The following COL24A1 variants were observed in gnomAD, a reference collection of about 807,000 sequenced individuals.
The protein encoded by COL24A1 is collagen type XXIV alpha 1 chain.
In COL24A1, 224 loss-of-function variants were observed where a neutral mutation model predicts 253.9. The observed-to-expected ratio is 0.88, with a 90% CI of 0.79 to 0.99. The LOEUF (loss-of-function observed/expected upper bound fraction) is 0.99. COL24A1 is among the 50% of genes least tolerant of loss of function. The pLI, the probability that COL24A1 is intolerant of heterozygous loss-of-function variation, is 0.00. For synonymous variants in COL24A1, 685 were observed against 673.7 expected (o/e 1.02, Z -0.26); for missense variants, 2,131 against 2,068.5 (o/e 1.03, Z -0.59).
chr1:86,005,994 A>C (rs559718834), intron 19 of COL24A1, among the ~76,000 whole-genome samples: 2 of 152,328 alleles, frequency 1.3e-5, no homozygotes, highest in East Asian at 3.9e-4. Flanking sequence ...GCACCAACTA[A>C]TACTTAGTTA....
At chr1:85,862,296 T>C (rs956784931) in intron 37 of COL24A1, among the ~76,000 whole-genome samples, 3 of 152,128 alleles carry the variant, frequency 2.0e-5, no homozygotes, top group African/African-American at 7.2e-5. Context: ...ACTCAAAAAC[T>C]TCATCGAATT....
intron 24 of COL24A1, among the ~76,000 whole-genome samples, chr1:85,917,204 G>T (rs1440636647): frequency 1.3e-5 from 2 of 152,186 alleles, no homozygotes; most frequent in Non-Finnish European, 2.9e-5. Flanking sequence ...ACATCATTAT[G>T]TGTTTTGTGC....
At chr1:85,907,829 T>C (rs1403815921) in intron 27 of COL24A1, among the ~76,000 whole-genome samples, 2 of 151,764 alleles carry the variant, frequency 1.3e-5, no homozygotes, top group Non-Finnish European at 3.0e-5. Context: ...GAAAACAAAA[T>C]TTATTTATCT....
intron 3 of COL24A1, among the ~76,000 whole-genome samples, chr1:86,120,872 G>A (rs1428079576): frequency 1.3e-5 from 2 of 152,146 alleles, no homozygotes; most frequent in Non-Finnish European, 2.9e-5. Context: ...ATTCACAATA[G>A]CAAAGACTTG....
At chr1:85,873,191 G>A (rs1181074130) in intron 35 of COL24A1, among the ~76,000 whole-genome samples, 2 of 152,198 alleles carry the variant, frequency 1.3e-5, no homozygotes, top group Admixed American at 1.3e-4. Context: ...AACAACAAAT[G>A]CTGGAGAGGA....
intron 47 of COL24A1, among the ~76,000 whole-genome samples, chr1:85,813,432 AAAAG>A (rs1672742253): frequency 6.7e-6 from 1 of 149,946 alleles, no homozygotes; most frequent in African/African-American, 2.5e-5. Flanking sequence ...AGAAAAAAAA[AAAAG>A]AAGCCAAAGC....
rs770913194 is a variant in COL24A1 at position 85,889,615 on chromosome 1, T to C, written c.2923-2A>G. ...ACTTCCAGGCAATCCCTGTAAACCC[T>C]GGACAAATAAAGGCAATACTTGTAG... is the stretch of plus-strand genomic sequence containing the variant. On this transcript the variant is annotated splice_acceptor_variant, in intron 31 of 59. Coordinates refer to ENST00000370571, the MANE Select transcript of COL24A1 (RefSeq NM_152890.7). LOFTEE classifies it high-confidence loss of function. 9 of 1,612,802 alleles carry C rather than the reference T, an allele frequency of 5.6e-6. No homozygotes were observed. The African/African-American group carries it at 1.1e-4, about 19-fold the overall frequency.
At chr1:85,917,955 G>A (rs565269598) in intron 24 of COL24A1, among the ~76,000 whole-genome samples, 3 of 152,190 alleles carry the variant, frequency 2.0e-5, no homozygotes, top group Admixed American at 6.5e-5. Context: ...TGATCTGCCC[G>A]CCTTGGCCTT....
chr1:85,847,036 C>T (rs1677210394), intron 39 of COL24A1, among the ~76,000 whole-genome samples: 2 of 152,124 alleles, frequency 1.3e-5, no homozygotes, highest in African/African-American at 4.8e-5. Flanking sequence ...ACAGAAGACT[C>T]AATTAGATAA....
At chr1:85,992,756 C>T (rs943743941) in intron 19 of COL24A1, among the ~76,000 whole-genome samples, 2 of 151,970 alleles carry the variant, frequency 1.3e-5, no homozygotes, top group Non-Finnish European at 2.9e-5. Flanking sequence ...TTAATAAGTC[C>T]AAACATTTTC....
At chr1:85,731,347 T>C (rs1228190801) in intron 59 of COL24A1, among the ~76,000 whole-genome samples, 1 of 152,230 alleles carries the variant, frequency 6.6e-6, no homozygotes, top group Non-Finnish European at 1.5e-5. Context: ...GTGGAGCTGT[T>C]ATTTAGGAGC....
At chr1:86,076,844 A>G (rs1702288914) in intron 7 of COL24A1, among the ~76,000 whole-genome samples, 1 of 152,218 alleles carries the variant, frequency 6.6e-6, no homozygotes, top group South Asian at 2.1e-4. Flanking sequence ...AAATTAACTC[A>G]AGATGGATTA....
At chr1:86,137,905 A>T (rs1193272852) in intron 2 of COL24A1, among the ~76,000 whole-genome samples, 2 of 152,158 alleles carry the variant, frequency 1.3e-5, no homozygotes, top group Non-Finnish European at 2.9e-5. Context: ...TCATAGTGTA[A>T]AGTAGATTAT....
intron 43 of COL24A1, among the ~76,000 whole-genome samples, chr1:85,828,634 T>C (rs1674727890): frequency 6.9e-6 from 1 of 144,750 alleles, no homozygotes; most frequent in Admixed American, 7.0e-5. Context: ...ATATTTAGGA[T>C]AGTTAGCTCT....
intron 7 of COL24A1, among the ~76,000 whole-genome samples, chr1:86,076,107 T>C (rs778927899): frequency 7.2e-5 from 11 of 152,202 alleles, no homozygotes; most frequent in Non-Finnish European, 1.5e-4. Flanking sequence ...TCAAATTGTC[T>C]CTGTTTGCAG....
intron 13 of COL24A1, among the ~76,000 whole-genome samples, chr1:86,032,132 T>C (rs1698624116): frequency 6.6e-6 from 1 of 152,222 alleles, no homozygotes; most frequent in South Asian, 2.1e-4. Context: ...TGCCCTTGGC[T>C]AAATGCTTTT....
intron 19 of COL24A1, among the ~76,000 whole-genome samples, chr1:86,004,899 G>T (rs1274867325): frequency 6.6e-6 from 1 of 152,204 alleles, no homozygotes; most frequent in African/African-American, 2.4e-5. Flanking sequence ...TAAACAGAAG[G>T]AAGCAAGACT....
intron 43 of COL24A1, among the ~76,000 whole-genome samples, chr1:85,828,189 C>T (rs774654038): frequency 4.6e-5 from 7 of 152,034 alleles, no homozygotes; most frequent in Non-Finnish European, 1.0e-4. Flanking sequence ...ACCCAGTAGT[C>T]ATTCAGGAGC....
At chr1:86,045,206 T>G (rs1233737735) in intron 12 of COL24A1, among the ~76,000 whole-genome samples, 1 of 152,120 alleles carries the variant, frequency 6.6e-6, no homozygotes, top group Non-Finnish European at 1.5e-5. Flanking sequence ...GCCAGGCTGG[T>G]CTCGAACACC....
Sources: gnomAD v4.1 joint callset for allele counts (sites outside exome capture counted in the v4.1 genomes callset) on GRCh38, gnomAD v4.1.1 for gene constraint, MANE v1.5 for transcripts, NCBI Gene and HGNC (gene_info 2026-07-23, HGNC 2026-07-21) for gene names.